The following GRID2 variants were observed in gnomAD, a reference collection of about 807,000 sequenced individuals.
The protein encoded by GRID2 is glutamate ionotropic receptor delta type subunit 2.
GRID2 carries 33 observed loss-of-function variants against 114.8 expected under a neutral mutation model. The observed-to-expected ratio is 0.29, with a 90% confidence interval of 0.22 to 0.38. The LOEUF is 0.38. GRID2 is among the 10% of genes least tolerant of loss of function. The pLI is 1.00. For missense variants in GRID2, 1,184 were observed against 1,257.7 expected (o/e 0.94, Z 0.89); for synonymous variants, 505 against 449.9 (o/e 1.12, Z -1.55).
chr4:93,231,928 A>G (rs1746195653), intron 7 of GRID2, among the ~76,000 whole-genome samples: 1 of 152,160 alleles, frequency 6.6e-6, no homozygotes, highest in Non-Finnish European at 1.5e-5. Context: ...AAATATTTGC[A>G]TGGAACTGAT....
intron 2 of GRID2, among the ~76,000 whole-genome samples, chr4:92,818,877 A>G (rs1741085316): frequency 6.6e-6 from 1 of 152,136 alleles, no homozygotes; most frequent in African/African-American, 2.4e-5. Context: ...AGCCCAAATT[A>G]TATAATTGTA....
chr4:93,736,668 TTAC>T, intron 14 of GRID2, among the ~76,000 whole-genome samples: 1 of 151,990 alleles, frequency 6.6e-6, no homozygotes, highest in Non-Finnish European at 1.5e-5. Flanking sequence ...TCATTAATAA[TTAC>T]TAATAATAAG....
At chr4:93,076,069 A>T (rs994351762) in intron 2 of GRID2, among the ~76,000 whole-genome samples, 3 of 151,594 alleles carry the variant, frequency 2.0e-5, no homozygotes, top group Admixed American at 1.3e-4. Context: ...ACGCCAGCTA[A>T]TTTTTTGTAT....
intron 2 of GRID2, among the ~76,000 whole-genome samples, chr4:92,672,991 T>G (rs1331343917): frequency 6.6e-6 from 1 of 152,160 alleles, no homozygotes; most frequent in African/African-American, 2.4e-5. Context: ...CTTCCAAGTT[T>G]CTGGAACCAC....
chr4:93,632,595 T>C (rs1366791492), intron 14 of GRID2, among the ~76,000 whole-genome samples: 3 of 152,226 alleles, frequency 2.0e-5, no homozygotes, highest in Non-Finnish European at 4.4e-5. Flanking sequence ...TTGGTACCAG[T>C]ACCATGCTGT....
chr4:93,806,120 G>A (rs1332353114), intron 1 of GRID2, among the ~76,000 whole-genome samples: 1 of 152,094 alleles, frequency 6.6e-6, no homozygotes, highest in East Asian at 1.9e-4. Flanking sequence ...ACAAAAAAAA[G>A]CGTATATTCA....
rs147605957 is a variant in GRID2, at chr4:93,614,218, C to T, written c.2194-12051C>T. On this transcript the variant is annotated intron_variant, in intron 13 of 15. Coordinates refer to ENST00000282020, the MANE Select transcript of GRID2 (RefSeq NM_001510.4). The stretch of plus-strand genomic sequence containing the variant: ...TGGCCTGCGCCCACTGTCTGGCACT[C>T]CCTAGTGGGATGAACCTGGTACCTC... Among the ~76,000 whole-genome samples the T allele has an allele frequency of 5.7e-3, 866 of 152,332 alleles. 12 individuals carry two copies. The highest frequency in any genetic ancestry group is 0.019 in the African/African-American group (796 of 41,588).
In GRID2 at chr4:92,939,771, G is replaced by A. The variant is rs554018576; in HGVS notation, c.245-145224G>A. On this transcript the variant is annotated intron_variant, in intron 2 of 15. Coordinates refer to ENST00000282020, the MANE Select transcript of GRID2 (RefSeq NM_001510.4). ...GGTGTAAGGAAGGGATCCAGTTTCA[G>A]CTTTCTACATATGGCTAGCCAGTTT... Among the ~76,000 whole-genome samples, 1,209 of 147,392 alleles carry A rather than the reference G, an allele frequency of 8.2e-3. 47 individuals are homozygous for A. Among genetic ancestry groups the A allele is most frequent in the African/African-American group, 0.028 (1,157 of 41,282 alleles).
At chr4:92,629,416 A>G (rs975378130) in intron 2 of GRID2, among the ~76,000 whole-genome samples, 5 of 152,146 alleles carry the variant, frequency 3.3e-5, no homozygotes, top group East Asian at 1.9e-4. Context: ...ATATATTGCT[A>G]TAAATCATCC....
intron 1 of GRID2, among the ~76,000 whole-genome samples, chr4:92,544,675 C>A (rs527861133): frequency 3.9e-5 from 6 of 152,206 alleles, no homozygotes; most frequent in Admixed American, 3.9e-4. Context: ...GGTAAAGTGA[C>A]CTGACCAAGG....
chr4:93,623,706 GT>G (rs1742427434), intron 13 of GRID2, among the ~76,000 whole-genome samples: 1 of 151,932 alleles, frequency 6.6e-6, no homozygotes, highest in South Asian at 2.1e-4. Flanking sequence ...GTAAACTTTT[GT>G]TCTGTTCCAC....
At chr4:93,614,377 T>G (rs1444119914) in intron 13 of GRID2, among the ~76,000 whole-genome samples, 1 of 152,232 alleles carries the variant, frequency 6.6e-6, no homozygotes, top group African/African-American at 2.4e-5. Flanking sequence ...GATTTGATTT[T>G]ATTTTCTTCC....
At chr4:93,623,333 G>A (rs7679146) in intron 13 of GRID2, among the ~76,000 whole-genome samples, 19,620 of 151,876 alleles carry the variant, frequency 0.13, 3,591 homozygotes, top group African/African-American at 0.41. Context: ...ACAGGCCCTG[G>A]TGTGTGATGT....
intron 2 of GRID2, among the ~76,000 whole-genome samples, chr4:93,025,636 T>G (rs1009762019): frequency 4.6e-5 from 7 of 151,760 alleles, no homozygotes; most frequent in African/African-American, 1.7e-4. Flanking sequence ...AAATTATACT[T>G]TTAATGTTCC....
At chr4:93,451,858 T>G (rs959327960) in intron 10 of GRID2, among the ~76,000 whole-genome samples, 1 of 152,066 alleles carries the variant, frequency 6.6e-6, no homozygotes, top group Non-Finnish European at 1.5e-5. Context: ...AAAGACACCA[T>G]TAAAGCAAGA....
intron 14 of GRID2, among the ~76,000 whole-genome samples, chr4:93,632,886 A>G (rs1460238766): frequency 1.3e-5 from 2 of 151,982 alleles, no homozygotes; most frequent in East Asian, 3.9e-4. Context: ...GTCCTCTTTT[A>G]TTTTGTTGAG....
rs535728916 is a variant in GRID2, at chr4:92,711,443, T to G, written c.244+121157T>G. ...TGAAAGTAGAACTGAAGTCCCCAGT[T>G]TTTGTTGGTTGTCAACCAAGAGCTA... On this transcript the variant is annotated intron_variant, in intron 2 of 15. Transcript: ENST00000282020. Among the ~76,000 whole-genome samples the G allele has an allele frequency of 2.6e-5, 4 of 152,280 alleles. No individual in the cohort carries two copies. In the East Asian group the frequency reaches 7.7e-4, roughly 29 times the overall value.
chr4:93,361,810 T>G (rs1761905307), intron 8 of GRID2, among the ~76,000 whole-genome samples: 1 of 152,108 alleles, frequency 6.6e-6, no homozygotes, highest in Admixed American at 6.6e-5. Context: ...CAGGCATGCC[T>G]CTCCTGCTGC....
intron 9 of GRID2, among the ~76,000 whole-genome samples, chr4:93,421,062 C>T (rs915825560): frequency 6.6e-6 from 1 of 152,228 alleles, no homozygotes; most frequent in South Asian, 2.1e-4. Context: ...AGAGCCTTGG[C>T]GAGTTGGCCC....
Sources: gnomAD v4.1 joint callset for allele counts (sites outside exome capture counted in the v4.1 genomes callset) on GRCh38, gnomAD v4.1.1 for gene constraint, MANE v1.5 for transcripts, NCBI Gene and HGNC (gene_info 2026-07-23, HGNC 2026-07-21) for gene names.